The following CDH12 variants were observed in gnomAD, a reference collection of about 807,000 sequenced individuals.
The protein encoded by CDH12 is cadherin 12.
Under a neutral mutation model 74.1 loss-of-function variants are expected in CDH12, and 41 were observed. The ratio of observed to expected loss-of-function variants is 0.55; its 90% CI spans 0.43 to 0.72. The LOEUF (loss-of-function observed/expected upper bound fraction) is 0.72. CDH12 is among the 30% of genes least tolerant of loss of function. The probability of loss-of-function intolerance (pLI) is 0.00; values close to 1 mark genes in which losing one functional copy is unlikely to be tolerated. For missense variants in CDH12, 945 were observed against 977.2 expected (o/e 0.97, Z 0.44); for synonymous variants, 399 against 355.0 (o/e 1.12, Z -1.39).
At chr5:22,756,098 G>GGAAA (rs1745886601) in intron 1 of CDH12, among the ~76,000 whole-genome samples, 1 of 87,338 alleles carries the variant, frequency 1.1e-5, no homozygotes, top group African/African-American at 4.3e-5. Flanking sequence ...TTCAAGGACC[G>GGAAA]AAAAAAAAAA....
intron 3 of CDH12, among the ~76,000 whole-genome samples, chr5:22,287,747 A>C (rs2150411191): frequency 6.6e-6 from 1 of 151,772 alleles, no homozygotes; most frequent in South Asian, 2.1e-4. Context: ...AAAAATGTAT[A>C]ACAATATTTC....
At chr5:22,027,659 T>C (rs891736575) in intron 5 of CDH12, among the ~76,000 whole-genome samples, 1 of 152,228 alleles carries the variant, frequency 6.6e-6, no homozygotes, top group Non-Finnish European at 1.5e-5. Context: ...TCAGTGGTGA[T>C]ATCCCCTTTA....
chr5:21,892,027 A>C lies in CDH12; in HGVS notation c.527-37237T>G, dbSNP rs112124376. Among the ~76,000 whole-genome samples, 119 of 152,274 alleles carry C rather than the reference A, an allele frequency of 7.8e-4. 2 individuals are homozygous for C. The highest frequency in any genetic ancestry group is 2.6e-3 in the African/African-American group (108 of 41,564). On this transcript the variant is annotated intron_variant, in intron 6 of 14. Transcript: ENST00000382254. ...TTAGCTGATCATGACTGCTATGCCA[A>C]GCTCATATAACACGTTCAGTTTTAA...
At chr5:22,197,503 G>C (rs888170619) in intron 4 of CDH12, among the ~76,000 whole-genome samples, 1 of 151,994 alleles carries the variant, frequency 6.6e-6, no homozygotes, top group African/African-American at 2.4e-5. Flanking sequence ...ATATTGGCAA[G>C]GTAGATTTTG....
At chr5:21,991,503 A>T (rs1757748244) in intron 5 of CDH12, among the ~76,000 whole-genome samples, 1 of 8,062 alleles carries the variant, frequency 1.2e-4, no homozygotes, top group Admixed American at 1.3e-3. Flanking sequence ...ATATACATTT[A>T]TATATATATG....
intron 1 of CDH12, among the ~76,000 whole-genome samples, chr5:22,832,570 C>A (rs569370946): frequency 1.3e-5 from 2 of 151,958 alleles, no homozygotes; most frequent in South Asian, 4.2e-4. Context: ...TGAGAGACAC[C>A]CCTGAAGTAA....
intron 1 of CDH12, among the ~76,000 whole-genome samples, chr5:22,617,040 G>A (rs1057362327): frequency 2.6e-5 from 4 of 151,702 alleles, no homozygotes; most frequent in African/African-American, 9.7e-5. Context: ...AATTTTTTGT[G>A]TTTTTAATTT....
chr5:22,470,988 A>G (rs1745937034), intron 2 of CDH12, among the ~76,000 whole-genome samples: 1 of 152,152 alleles, frequency 6.6e-6, no homozygotes, highest in South Asian at 2.1e-4. Flanking sequence ...ATGTCCAAGA[A>G]GTGGACCCTT....
intron 8 of CDH12, among the ~76,000 whole-genome samples, chr5:21,839,019 A>G (rs1749694110): frequency 6.6e-6 from 1 of 152,204 alleles, no homozygotes. Context: ...TAGATTGAAC[A>G]TATTTCATAT....
intron 3 of CDH12, among the ~76,000 whole-genome samples, chr5:22,254,320 GGT>G (rs916436663): frequency 1.1e-4 from 16 of 151,642 alleles, no homozygotes; most frequent in African/African-American, 3.9e-4. Context: ...AAATAGTAAA[GGT>G]ATTTAAAAAG....
intron 2 of CDH12, among the ~76,000 whole-genome samples, chr5:22,501,878 T>C (rs1437152745): frequency 6.6e-6 from 1 of 152,108 alleles, no homozygotes; most frequent in East Asian, 1.9e-4. Context: ...TCCCTCCATG[T>C]TTCCATCAGT....
intron 5 of CDH12, among the ~76,000 whole-genome samples, chr5:22,062,786 C>G (rs2150207736): frequency 6.6e-6 from 1 of 152,214 alleles, no homozygotes; most frequent in East Asian, 1.9e-4. Context: ...CCATTTCTAT[C>G]AACTCAGAAG....
intron 5 of CDH12, among the ~76,000 whole-genome samples, chr5:21,987,071 C>T (rs1026235848): frequency 6.6e-6 from 1 of 152,050 alleles, no homozygotes; most frequent in African/African-American, 2.4e-5. Flanking sequence ...TGTAAAACTC[C>T]ATCTAACCTA....
At chr5:22,628,178 C>G (rs1424672911) in intron 1 of CDH12, among the ~76,000 whole-genome samples, 2 of 152,028 alleles carry the variant, frequency 1.3e-5, no homozygotes, top group Non-Finnish European at 2.9e-5. Context: ...ACTCCACAGA[C>G]ATTATTAGAT....
At chr5:21,833,243 TATTATATATTATATAAC>T (rs1749259203) in intron 8 of CDH12, among the ~76,000 whole-genome samples, 1 of 49,370 alleles carries the variant, frequency 2.0e-5, no homozygotes, top group Non-Finnish European at 2.9e-5. Context: ...ATATAATATA[TATTATATATTATATAAC>T]ATATAATATA....
chr5:22,504,727 G>A (rs1335419058), intron 2 of CDH12, among the ~76,000 whole-genome samples: 1 of 152,008 alleles, frequency 6.6e-6, no homozygotes, highest in Non-Finnish European at 1.5e-5. Context: ...GATTACAATT[G>A]CCAGCGCAAG....
intron 6 of CDH12, among the ~76,000 whole-genome samples, chr5:21,878,708 C>T (rs1752068724): frequency 6.6e-6 from 1 of 151,052 alleles, no homozygotes; most frequent in Admixed American, 6.6e-5. Flanking sequence ...CCACTGCACT[C>T]CATCTTCTAC....
intron 4 of CDH12, among the ~76,000 whole-genome samples, chr5:22,200,917 G>C (rs1750893492): frequency 6.6e-6 from 1 of 152,180 alleles, no homozygotes; most frequent in African/African-American, 2.4e-5. Flanking sequence ...GATGTAATGA[G>C]TTCTGTGATT....
intron 1 of CDH12, among the ~76,000 whole-genome samples, chr5:22,756,810 C>T (rs1023668058): frequency 3.3e-5 from 5 of 151,794 alleles, no homozygotes; most frequent in African/African-American, 1.2e-4. Context: ...AAATACAAAA[C>T]TTAGCCAGGC....
Sources: gnomAD v4.1 joint callset for allele counts (sites outside exome capture counted in the v4.1 genomes callset) on GRCh38, gnomAD v4.1.1 for gene constraint, MANE v1.5 for transcripts, NCBI Gene and HGNC (gene_info 2026-07-23, HGNC 2026-07-21) for gene names.